Variants in TCF3 observed in about 807,000 individuals in gnomAD.
TCF3 encodes transcription factor E2-alpha.
A neutral mutation model predicts 72.3 loss-of-function variants in TCF3; 54 were observed. The ratio of observed to expected loss-of-function variants is 0.75; its 90% CI spans 0.60 to 0.94. The LOEUF (loss-of-function observed/expected upper bound fraction) is 0.94. TCF3 is among the 40% of genes least tolerant of loss of function. TCF3 has a pLI of 0.00. For synonymous variants in TCF3, 525 were observed against 412.6 expected (o/e 1.27, Z -3.30); for missense variants, 1,078 against 934.4 (o/e 1.15, Z -2.00).
chr19:1,644,092 C>T (rs1329261218), intron 3 of TCF3, among the ~76,000 whole-genome samples: 1 of 152,264 alleles, frequency 6.6e-6, no homozygotes, highest in African/African-American at 2.4e-5. Flanking sequence ...CCAAACTCCC[C>T]TCTTCCTGGG....
chr19:1,626,695 G>A (rs1255573270), intron 6 of TCF3, among the ~76,000 whole-genome samples: 2 of 152,210 alleles, frequency 1.3e-5, no homozygotes, highest in African/African-American at 2.4e-5. Flanking sequence ...CGTAGGCCGC[G>A]GCCCCTCGTT....
chr19:1,641,753 G>A (rs571023937), intron 3 of TCF3, among the ~76,000 whole-genome samples: 4 of 151,978 alleles, frequency 2.6e-5, no homozygotes, highest in African/African-American at 9.7e-5. Context: ...GCACCCAGCT[G>A]AAATTTTTCT....
At chr19:1,650,430 G>C in intron 1 of TCF3, 143 bp from the exon 2 acceptor site, 1 of 609,752 alleles carries the variant, frequency 1.6e-6, no homozygotes, top group Non-Finnish European at 2.9e-6. Context: ...AGCCCTGGGG[G>C]CACGGGGAGC....
At position 1,619,113 on chromosome 19, in the gene TCF3, C is replaced by A. The variant is rs371587171; in HGVS notation, c.1448G>T (p.Ser483Ile). Residue 483 changes from serine to isoleucine, a missense_variant and splice_region_variant, in exon 16 of 19, where the codon AGT becomes ATT. Coordinates refer to ENST00000262965, the MANE Select transcript of TCF3 (RefSeq NM_003200.5). ...CAGTCCCAAGCTCAAGGGCTTACCA[C>A]TGTAGGAGTCGGGAGGCCGAGACAG... is the stretch of plus-strand genomic sequence containing the variant. Reference protein sequence around the residue: ...PDLSRPPDSYSGLGRAGATAA... With the variant: ...PDLSRPPDSYIGLGRAGATAA... The A allele has an allele frequency of 3.1e-6, 5 of 1,599,304 alleles. No homozygotes were observed. Among genetic ancestry groups the A allele is most frequent in the Non-Finnish European group, 4.2e-6 (5 of 1,179,712 alleles).
chr19:1,642,869 C>T (rs376644247), intron 3 of TCF3, among the ~76,000 whole-genome samples: 69 of 152,290 alleles, frequency 4.5e-4, no homozygotes, highest in Admixed American at 9.1e-4. Flanking sequence ...CAGGTTCTCC[C>T]GGGGTTTCCT....
intron 8 of TCF3, 59 bp from the exon 9 acceptor site, chr19:1,622,474 T>A: frequency 1.0e-6 from 1 of 985,822 alleles, no homozygotes; most frequent in Non-Finnish European, 1.4e-6. Context: ...GATCAGCCCA[T>A]GCACCTTGCC....
intron 18 of TCF3, chr19:1,612,509 G>C (rs893924945): frequency 4.3e-6 from 6 of 1,391,202 alleles, no homozygotes; most frequent in Admixed American, 3.7e-5. Flanking sequence ...TTGTGGAGAG[G>C]GTATCCAGCT....
rs923048317 is a variant in TCF3, at chr19:1,630,068, C to A, written c.298+1970G>T. Among the ~76,000 whole-genome samples, 50 of 152,364 alleles carry A rather than the reference C, an allele frequency of 3.3e-4. 2 individuals carry two copies. Among genetic ancestry groups the A allele is most frequent in the African/African-American group, 1.1e-3 (46 of 41,590 alleles). ...CCTCTCCAAGCTGCCTGGCTATGGC[C>A]TGGGCCCCACCCGTGGGGGTGGCAG... is the stretch of plus-strand genomic sequence containing the variant. On this transcript the variant is annotated intron_variant, in intron 5 of 18. Transcript: ENST00000262965.
Position 1,609,359 on chromosome 19 carries a change from TG to T in TCF3, c.*2347del, listed in dbSNP as rs1321071435. ...TACAGGACAGGTCTCTGAATCCACC[TG>T]AAAGAGGGTCGTTTTAAAGTCCCAA... is the stretch of plus-strand genomic sequence containing the variant. On this transcript the variant is annotated 3_prime_UTR_variant, in exon 19 of 19. Coordinates refer to ENST00000262965, the MANE Select transcript of TCF3 (RefSeq NM_003200.5). 4 of 199,862 alleles carry T rather than the reference TG, an allele frequency of 2.0e-5. No individual in the cohort carries two copies. The East Asian group carries it at 3.1e-4, about 15-fold the overall frequency. 12.4% of individuals were successfully genotyped at this position (199,862 alleles called of 1,614,324 possible).
At chr19:1,626,566 T>G (rs904915488) in intron 6 of TCF3, among the ~76,000 whole-genome samples, 5 of 151,934 alleles carry the variant, frequency 3.3e-5, no homozygotes, top group Admixed American at 1.3e-4. Flanking sequence ...GCACCCTGTG[T>G]GGCCACCGCG....
chr19:1,622,246 TG>T, intron 9 of TCF3, 23 bp from the exon 10 acceptor site: 3 of 1,520,632 alleles, frequency 2.0e-6, no homozygotes, highest in Non-Finnish European at 1.8e-6. Flanking sequence ...GCTGGTAAGG[TG>T]GGGGCCGAGT....
chr19:1,639,276 T>C (rs1281644435), intron 3 of TCF3, among the ~76,000 whole-genome samples: 4 of 152,134 alleles, frequency 2.6e-5, no homozygotes, highest in Non-Finnish European at 4.4e-5. Flanking sequence ...ACTCCTGACC[T>C]CAGAAGATCC....
Position 1,609,534 on chromosome 19 carries a change from A to C in TCF3, c.*2173T>G. On this transcript the variant is annotated 3_prime_UTR_variant, in exon 19 of 19. Transcript: ENST00000262965. The stretch of plus-strand genomic sequence containing the variant: ...TGTTTCTTCCTCCTCGCGCTGGGTG[A>C]ATCTCGTTTGAATTCTATGCAGAAC... The C allele has an allele frequency of 5.0e-6, 1 of 201,936 alleles. No individual in the cohort carries two copies. 12.5% of individuals were successfully genotyped at this position (201,936 alleles called of 1,614,324 possible). A position where few individuals can be genotyped will look rare whatever the true frequency, so the allele number is the denominator to read the frequency against.
chr19:1,624,624 G>A (rs2062659242), intron 7 of TCF3, among the ~76,000 whole-genome samples: 1 of 152,180 alleles, frequency 6.6e-6, no homozygotes, highest in Non-Finnish European at 1.5e-5. Context: ...AGGGGCTGCT[G>A]TTTGCAAACT....
In TCF3 at chr19:1,650,184, A is replaced by C. The variant is rs770259965; in HGVS notation, c.65T>G (p.Phe22Cys). ...GCGGGGGTCCTGGCTCACCATGCTG[A>C]AGTCCAGGAGGTCACTGAGCTCCTT... Reference protein sequence around the residue: ...TDKELSDLLDFSMMFPLPVTN... With the variant: ...TDKELSDLLDCSMMFPLPVTN... Residue 22 changes from phenylalanine to cysteine, a missense_variant, in exon 2 of 19, where the codon TTC becomes TGC. Phe to Cys is a radical substitution (Grantham distance 205). Coordinates refer to ENST00000262965, the MANE Select transcript of TCF3 (RefSeq NM_003200.5). 5 of 1,570,184 alleles carry C rather than the reference A, an allele frequency of 3.2e-6. No individual in the cohort carries two copies.
chr19:1,646,150 G>A (rs2066057164), intron 3 of TCF3, among the ~76,000 whole-genome samples: 1 of 152,160 alleles, frequency 6.6e-6, no homozygotes, highest in East Asian at 1.9e-4. Flanking sequence ...AGGGGCTCAG[G>A]GGCTCGGGCT....
intron 3 of TCF3, among the ~76,000 whole-genome samples, chr19:1,637,526 C>T (rs2064605924): frequency 6.6e-6 from 1 of 152,190 alleles, no homozygotes; most frequent in Admixed American, 6.5e-5. Context: ...TAACCGAGAC[C>T]CCATCCCGCT....
Position 1,622,110 on chromosome 19 carries a change from C to T in TCF3, c.766G>A (p.Val256Met). Residue 256 changes from valine to methionine, a missense_variant, in exon 10 of 19, where the codon GTG (valine) becomes ATG (methionine). Val to Met is a conservative substitution (Grantham distance 21). Coordinates refer to ENST00000262965, the MANE Select transcript of TCF3 (RefSeq NM_003200.5). ...GTGCTGCTGCTTCCACTGCTGCCCA[C>T]CGGGCCGCTACCGGGCGGGAGGGGC... ...PLPLPPGSGP[V>M]GSSGSSSTFG... 6.2e-7 allele frequency: 1 copy of T among 1,603,792 alleles called. No homozygotes were observed. Among genetic ancestry groups the T allele is most frequent in the Non-Finnish European group, 8.5e-7 (1 of 1,176,786 alleles).
Position 1,615,879 on chromosome 19 carries a change from T to G in TCF3, c.1451-58A>C. 2 of 1,491,898 alleles carry G rather than the reference T, an allele frequency of 1.3e-6. No individual in the cohort carries two copies. Among genetic ancestry groups the G allele is most frequent in the South Asian group, 2.8e-5 (2 of 71,534 alleles). 92.4% of individuals were successfully genotyped at this position (1,491,898 alleles called of 1,614,324 possible). ...GGCCTCCAGGGCCAACTGACATATC[T>G]CTTTGTGCTCCTGTGGTGAGGGACT... On this transcript the variant is annotated intron_variant, in intron 16 of 18. Transcript: ENST00000262965. The surrounding 1 kb of genome is among the most constrained non-coding windows in gnomAD (Gnocchi z 7.3).
Sources: gnomAD v4.1 joint callset for allele counts (sites outside exome capture counted in the v4.1 genomes callset) on GRCh38, gnomAD v4.1.1 for gene constraint, Gnocchi (gnomAD v3.1) non-coding constraint, MANE v1.5 for transcripts, NCBI Gene and HGNC (gene_info 2026-07-23, HGNC 2026-07-21) for gene names.